NHSL2: variants seen among roughly 807,000 people sequenced by gnomAD.
NHSL2 encodes NHS like 2, also known as NHS-like protein 2.
In NHSL2, 27 loss-of-function variants were observed where a neutral mutation model predicts 53.4. The observed-to-expected ratio is 0.51, with a 90% confidence interval of 0.37 to 0.70. The LOEUF is 0.70. Among genes scored for constraint, NHSL2 ranks in the 30% least tolerant of loss-of-function variants. The pLI is 0.00. For synonymous variants in NHSL2, 408 were observed against 404.1 expected (o/e 1.01, Z -0.12); for missense variants, 892 against 980.1 (o/e 0.91, Z 1.20).
chrX:72,026,460 G>C (rs754586050), intron 1 of NHSL2, among the ~76,000 whole-genome samples: 1 of 112,443 alleles, frequency 8.9e-6, no homozygotes, highest in Non-Finnish European at 1.9e-5. Flanking sequence ...GGATGAAAAA[G>C]AACAGAAGCC....
At chrX:72,062,520 C>A (rs900544276) in intron 1 of NHSL2, among the ~76,000 whole-genome samples, 1 of 111,748 alleles carries the variant, frequency 8.9e-6, no homozygotes, top group African/African-American at 3.3e-5. Context: ...AGAGAGGTTT[C>A]CCAGATTGGA....
chrX:71,987,081 C>T (rs770657506), intron 1 of NHSL2, among the ~76,000 whole-genome samples: 33 of 111,603 alleles, frequency 3.0e-4, no homozygotes, highest in Non-Finnish European at 5.5e-4. Context: ...CGCGGTGACT[C>T]ACGCCTGTAA....
chrX:72,113,448 AC>A (rs1463299677), intron 1 of NHSL2, among the ~76,000 whole-genome samples: 1 of 111,703 alleles, frequency 9.0e-6, no homozygotes, highest in Non-Finnish European at 1.9e-5. Context: ...CAAAGAGGAG[AC>A]CCATAGCCAG....
chrX:72,060,279 T>C (rs769750849), intron 1 of NHSL2, among the ~76,000 whole-genome samples: 30 of 111,890 alleles, frequency 2.7e-4, no homozygotes, highest in African/African-American at 7.5e-4. Context: ...AGCATGGTGT[T>C]AGGTACATAG....
chrX:72,074,165 G>A (rs2041722520), intron 1 of NHSL2, among the ~76,000 whole-genome samples: 1 of 112,203 alleles, frequency 8.9e-6, no homozygotes. Flanking sequence ...CTGTAAATAC[G>A]GTGGCCTGTG....
At chrX:71,942,409 G>T (rs1367597003) in intron 1 of NHSL2, among the ~76,000 whole-genome samples, 2 of 112,535 alleles carry the variant, frequency 1.8e-5, no homozygotes, top group Non-Finnish European at 3.8e-5. Context: ...CCATTGCTCA[G>T]ATATCAGGCT....
intron 1 of NHSL2, among the ~76,000 whole-genome samples, chrX:72,006,305 C>T (rs777639159): frequency 8.9e-6 from 1 of 112,377 alleles, no homozygotes; most frequent in Non-Finnish European, 1.9e-5. Flanking sequence ...TTCCCACCAA[C>T]CTGACACATC....
At chrX:72,096,094 T>C (rs1361481375) in intron 1 of NHSL2, among the ~76,000 whole-genome samples, 1 of 108,915 alleles carries the variant, frequency 9.2e-6, no homozygotes, top group Non-Finnish European at 1.9e-5. Context: ...AGAAGGGAGA[T>C]GCAGTAGGGC....
intron 1 of NHSL2, among the ~76,000 whole-genome samples, chrX:71,947,399 G>A (rs186581862): frequency 2.6e-4 from 29 of 112,367 alleles, no homozygotes; most frequent in African/African-American, 6.8e-4. Context: ...AGAATGAACC[G>A]CATCAAATGT....
chrX:72,076,238 C>T (rs941044651), intron 1 of NHSL2, among the ~76,000 whole-genome samples: 3 of 111,257 alleles, frequency 2.7e-5, no homozygotes, highest in Non-Finnish European at 3.8e-5. Flanking sequence ...CAGCCGAACA[C>T]AGTGTATATT....
chrX:71,911,537 C>T (rs900403519), intron 1 of NHSL2, among the ~76,000 whole-genome samples, 170 bp downstream of exon 1: 4 of 111,924 alleles, frequency 3.6e-5, no homozygotes, highest in Non-Finnish European at 5.7e-5. Context: ...CTCCGCCCCA[C>T]GGTCGCCCTA....
At chrX:72,082,035 C>G (rs1334638662) in intron 1 of NHSL2, among the ~76,000 whole-genome samples, 2 of 112,159 alleles carry the variant, frequency 1.8e-5, no homozygotes, top group Non-Finnish European at 3.8e-5. Flanking sequence ...CCACCTTCCC[C>G]TGTCTCTAGG....
intron 1 of NHSL2, among the ~76,000 whole-genome samples, chrX:71,931,550 G>A (rs1327142929): frequency 8.9e-6 from 1 of 112,402 alleles, no homozygotes; most frequent in Non-Finnish European, 1.9e-5. Context: ...ACGGTGTGAA[G>A]TAGTGGTCCA....
chrX:72,143,151 G>T (rs756697034), intron 7 of NHSL2, 102 bp from the exon 8 acceptor site: 6 of 561,370 alleles, frequency 1.1e-5, no homozygotes, highest in Non-Finnish European at 1.7e-5. Context: ...ACGGCTGCTT[G>T]CAGGGCTGCC....
At chrX:72,003,091 C>T (rs1269199855) in intron 1 of NHSL2, among the ~76,000 whole-genome samples, 5 of 109,370 alleles carry the variant, frequency 4.6e-5, no homozygotes, top group Admixed American at 2.0e-4. Flanking sequence ...AGAAATTATG[C>T]GTGTTTAATT....
rs2041812419 is a variant in NHSL2 at position 71,949,926 on chromosome X, A to G, written c.280+38559A>G. Among the ~76,000 whole-genome samples, 3 of 113,035 alleles carry G rather than the reference A, an allele frequency of 2.7e-5. 1 individual carries two copies. In the South Asian group the frequency reaches 1.1e-3, roughly 40 times the overall value. ...GCTGGCCTGAGGTTGTGGTGGGGGAAGCACTTCCCCCTGGCCAGCTGTATG... is the reference window on the plus strand; with the variant it reads ...GCTGGCCTGAGGTTGTGGTGGGGGAGGCACTTCCCCCTGGCCAGCTGTATG... On this transcript the variant is annotated intron_variant, in intron 1 of 7. Transcript: ENST00000633930.
At chrX:71,978,716 A>G (rs1186265784) in intron 1 of NHSL2, among the ~76,000 whole-genome samples, 2 of 87,365 alleles carry the variant, frequency 2.3e-5, no homozygotes, top group Non-Finnish European at 4.4e-5. Context: ...GAAATCTCCT[A>G]TATCTGTTGC....
At chrX:72,126,901 C>G (rs2042231611) in intron 1 of NHSL2, among the ~76,000 whole-genome samples, 1 of 112,110 alleles carries the variant, frequency 8.9e-6, no homozygotes, top group African/African-American at 3.2e-5. Flanking sequence ...TTCAAGATGC[C>G]CAGTGCTTCC....
chrX:72,030,894 A>G (rs1301312183), intron 1 of NHSL2, among the ~76,000 whole-genome samples: 5 of 111,778 alleles, frequency 4.5e-5, no homozygotes, highest in Admixed American at 1.9e-4. Context: ...CAACTACCCA[A>G]TGCAGGTAGG....
Sources: gnomAD v4.1 joint callset for allele counts (sites outside exome capture counted in the v4.1 genomes callset) on GRCh38, gnomAD v4.1.1 for gene constraint, MANE v1.5 for transcripts, NCBI Gene and HGNC (gene_info 2026-07-23, HGNC 2026-07-21) for gene names.